Variants in PLAUR observed in about 807,000 individuals in gnomAD.
PLAUR encodes the protein plasminogen activator, urokinase receptor.
Under a neutral mutation model 33.4 loss-of-function variants are expected in PLAUR, and 22 were observed. The ratio of observed to expected loss-of-function variants is 0.66; its 90% CI spans 0.47 to 0.94. The LOEUF is 0.94. PLAUR is among the 40% of genes least tolerant of loss of function. The pLI is 0.00. For missense variants in PLAUR, 408 were observed against 434.7 expected (o/e 0.94, Z 0.55); for synonymous variants, 148 against 167.3 (o/e 0.88, Z 0.89).
intron 3 of PLAUR, among the ~76,000 whole-genome samples, chr19:43,663,982 C>G (rs141116769): frequency 0.012 from 1,754 of 152,188 alleles, 22 homozygotes; most frequent in Non-Finnish European, 0.018. Flanking sequence ...TGTGACCCAT[C>G]ATGGAAAGGG....
intron 3 of PLAUR, chr19:43,656,858 C>T: frequency 2.4e-6 from 1 of 415,408 alleles, no homozygotes; most frequent in Non-Finnish European, 4.3e-6. Context: ...CCAGCTACCT[C>T]CCTAGCCTCT....
At chr19:43,663,300 TACACACACACACACACACACACACAC>T (rs59542257) in intron 3 of PLAUR, among the ~76,000 whole-genome samples, 33 of 131,906 alleles carry the variant, frequency 2.5e-4, no homozygotes, top group African/African-American at 6.3e-4. Context: ...CTGTCACCCC[TACACACACACACACACACACACACAC>T]ACACACACAC....
chr19:43,655,102 C>A (rs941835505), intron 5 of PLAUR, among the ~76,000 whole-genome samples: 5 of 151,622 alleles, frequency 3.3e-5, no homozygotes, highest in Non-Finnish European at 7.4e-5. Context: ...ATGGTGAAAC[C>A]CCCATCTCTA....
At chr19:43,664,046 A>G (rs1967123065) in intron 3 of PLAUR, among the ~76,000 whole-genome samples, 2 of 151,862 alleles carry the variant, frequency 1.3e-5, no homozygotes, top group Admixed American at 6.6e-5. Flanking sequence ...ACTGACCAAT[A>G]TTGTTAAATA....
At position 43,670,070 on chromosome 19, in the gene PLAUR, G is replaced by C; in HGVS notation, c.51C>G (p.Val17=). The C allele has an allele frequency of 6.2e-7, 1 of 1,613,336 alleles. No individual in the cohort carries two copies. ...LPLLLLLHTC[V]PASWGLRCMQ... ...CGTTCGGGACCCAGCCCCTACCTGG[G>C]ACGCAGGTGTGGAGCAGCAGCAGCA... The change falls in exon 1 of 7, where the codon GTC becomes GTG. Residue 17 remains valine, a synonymous_variant. Transcript: ENST00000340093.
chr19:43,668,050 G>A, intron 1 of PLAUR: 1 of 1,064,976 alleles, frequency 9.4e-7, no homozygotes, highest in Non-Finnish European at 1.1e-6. Context: ...TCACCGCACC[G>A]GCCCTCGGTC....
At position 43,652,271 on chromosome 19, in the gene PLAUR, G is replaced by C. The variant is rs1252441454; in HGVS notation, c.708C>G (p.Asp236Glu). 6.2e-7 allele frequency: 1 copy of C among 1,614,042 alleles called. No individual in the cohort carries two copies. The highest frequency in any genetic ancestry group is 8.5e-7 in the Non-Finnish European group (1 of 1,179,994). Residue 236 changes from aspartate to glutamate, a missense_variant, in exon 6 of 7, where the codon GAC becomes GAG. Physicochemically the swap from Asp to Glu is conservative, Grantham distance 45. Coordinates refer to ENST00000340093, the MANE Select transcript of PLAUR (RefSeq NM_002659.4). ...GACATTGATTCATGGGGCCTCGGCA[G>C]TCAATGAGGAAAGTCTCTTCAGAGG... Reference protein sequence around the residue: ...GCSSEETFLIDCRGPMNQCLV... With the variant: ...GCSSEETFLIECRGPMNQCLV...
intron 3 of PLAUR, among the ~76,000 whole-genome samples, chr19:43,658,144 C>T (rs1052599746): frequency 1.3e-4 from 20 of 152,316 alleles, no homozygotes; most frequent in African/African-American, 4.3e-4. Context: ...TCATAGAACA[C>T]ATGCCTGGCT....
chr19:43,661,905 G>A (rs1198863797), intron 3 of PLAUR, among the ~76,000 whole-genome samples: 3 of 151,980 alleles, frequency 2.0e-5, no homozygotes, highest in Admixed American at 6.6e-5. Flanking sequence ...ACAGGGTTTT[G>A]CTCTGCCGCC....
chr19:43,669,628 A>T (rs1471211147), intron 1 of PLAUR, among the ~76,000 whole-genome samples: 1 of 151,866 alleles, frequency 6.6e-6, no homozygotes, highest in Non-Finnish European at 1.5e-5. Context: ...CCTGGCTAAC[A>T]GAGTGAAACC....
chr19:43,651,802 A>T lies in PLAUR; in HGVS notation c.754+423T>A, dbSNP rs1344225889. The T allele has an allele frequency of 1.6e-5, 16 of 995,266 alleles. No individual in the cohort carries two copies. In the East Asian group the frequency reaches 1.6e-3, roughly 98 times the overall value. The allele number at this position is 995,266 out of a possible 1,614,324, so 61.7% of individuals were successfully genotyped here. On this transcript the variant is annotated intron_variant, in intron 6 of 6. Transcript: ENST00000340093. Reference sequence around the variant, plus strand: ...GTTTGAGAACCACTGGAATACAGAGACCTTTCCAGGACACCACAGGATGAA... The same window carrying T: ...GTTTGAGAACCACTGGAATACAGAGTCCTTTCCAGGACACCACAGGATGAA...
In PLAUR at chr19:43,665,318, G is replaced by C. The variant is rs998471718; in HGVS notation, c.308C>G (p.Ser103Cys). The C allele has an allele frequency of 3.1e-6, 5 of 1,614,018 alleles. No individual in the cohort carries two copies. Among genetic ancestry groups the C allele is most frequent in the Non-Finnish European group, 4.2e-6 (5 of 1,179,992 alleles). The change falls in exon 3 of 7, where the codon TCT becomes TGT. Residue 103 changes from serine to cysteine, a missense_variant and splice_region_variant. By Grantham distance (112) the Ser-to-Cys change is moderately radical (BLOSUM62 -1). Coordinates refer to ENST00000340093, the MANE Select transcript of PLAUR (RefSeq NM_002659.4). ...CGLDLCNQGNSGRAVTYSRSR... is the reference protein window; with the variant it reads ...CGLDLCNQGNCGRAVTYSRSR... ...ATGGCAAGGGCTGCCCTACTCACCA[G>C]AGTTGCCCTGGTTGCACAAGTCTAA... is the stretch of plus-strand genomic sequence containing the variant.
intron 6 of PLAUR, among the ~76,000 whole-genome samples, chr19:43,651,031 CAA>C (rs747441567): frequency 3.0e-4 from 26 of 85,288 alleles, no homozygotes; most frequent in Admixed American, 3.6e-4. Context: ...GACTCCATTT[CAA>C]AAAAAAAAAA....
Position 43,648,625 on chromosome 19 carries a change from ATATT to A in PLAUR, c.*261_*264del, listed in dbSNP as rs1184834921. On this transcript the variant is annotated 3_prime_UTR_variant, in exon 7 of 7. Coordinates refer to ENST00000340093, the MANE Select transcript of PLAUR (RefSeq NM_002659.4). ...TGTAAGTATAAAATAAATAATATGA[ATATT>A]AATTAATAACAACAACACAACAGCG... The A allele has an allele frequency of 3.6e-6, 3 of 825,248 alleles. No individual in the cohort carries two copies. The highest frequency in any genetic ancestry group is 4.8e-6 in the Non-Finnish European group (3 of 627,724). The allele number at this position is 825,248 out of a possible 1,614,324, so 51.1% of individuals were successfully genotyped here.
chr19:43,668,521 T>TC (rs1967370405), intron 1 of PLAUR, among the ~76,000 whole-genome samples: 1 of 149,902 alleles, frequency 6.7e-6, no homozygotes, highest in African/African-American at 2.5e-5. Context: ...CCCCTAGTTT[T>TC]CCCCTGAGGT....
intron 3 of PLAUR, among the ~76,000 whole-genome samples, chr19:43,660,162 T>TTGTTTTGTTG (rs1434904984): frequency 6.7e-6 from 1 of 149,790 alleles, no homozygotes; most frequent in Non-Finnish European, 1.5e-5. Flanking sequence ...GCGTTTTGTT[T>TTGTTTTGTTG]TGTTTTGTTT....
At chr19:43,669,089 T>TTA (rs1967407919) in intron 1 of PLAUR, among the ~76,000 whole-genome samples, 1 of 151,552 alleles carries the variant, frequency 6.6e-6, no homozygotes, top group African/African-American at 2.4e-5. Flanking sequence ...GCTTTCCGGG[T>TTA]TATTCATCGC....
chr19:43,649,564 G>A (rs1196181841), intron 6 of PLAUR, among the ~76,000 whole-genome samples: 1 of 138,512 alleles, frequency 7.2e-6, no homozygotes, highest in Non-Finnish European at 1.6e-5. Flanking sequence ...AAGAAAGAAA[G>A]GAAGGAAGGG....
chr19:43,661,120 T>C (rs951962667), intron 3 of PLAUR: 3 of 152,200 alleles, frequency 2.0e-5, no homozygotes, highest in Non-Finnish European at 2.9e-5. Flanking sequence ...GCCAATGACT[T>C]GAGGGAGATT....
Sources: gnomAD v4.1 joint callset for allele counts (sites outside exome capture counted in the v4.1 genomes callset) on GRCh38, gnomAD v4.1.1 for gene constraint, MANE v1.5 for transcripts, NCBI Gene and HGNC (gene_info 2026-07-23, HGNC 2026-07-21) for gene names.